The following FUBP1 variants were observed in gnomAD, a reference collection of about 807,000 sequenced individuals.
The protein encoded by FUBP1 is far upstream element-binding protein 1.
In FUBP1, 16 loss-of-function variants were observed where a neutral mutation model predicts 94.9. The ratio of observed to expected loss-of-function variants is 0.17; its 90% CI spans 0.11 to 0.26. The LOEUF is 0.26. FUBP1 is among the 10% of genes least tolerant of loss of function. FUBP1 has a pLI of 1.00. For missense variants in FUBP1, 583 were observed against 808.6 expected (o/e 0.72, Z 3.38); for synonymous variants, 279 against 254.9 (o/e 1.09, Z -0.90).
At chr1:77,962,459 G>A (rs143142546) in intron 14 of FUBP1, among the ~76,000 whole-genome samples, 13 of 152,164 alleles carry the variant, frequency 8.5e-5, no homozygotes, top group Non-Finnish European at 1.3e-4. Flanking sequence ...ATGAATTCCC[G>A]TTAACTATGT....
At chr1:77,971,962 G>A (rs1446828119) in intron 1 of FUBP1, among the ~76,000 whole-genome samples, 1 of 141,060 alleles carries the variant, frequency 7.1e-6, no homozygotes, top group Non-Finnish European at 1.5e-5. Flanking sequence ...CCAAGATCAC[G>A]CCACTGCACT....
At position 77,978,890 on chromosome 1, in the gene FUBP1, G is replaced by T. The variant is rs771211687; in HGVS notation, c.115C>A (p.Arg39=). 6.2e-7 allele frequency: 1 copy of T among 1,613,890 alleles called. No individual in the cohort carries two copies. The highest frequency in any genetic ancestry group is 8.5e-7 in the Non-Finnish European group (1 of 1,179,986). Residue 39 remains arginine, a synonymous_variant, in exon 1 of 20, where the codon CGG becomes AGG. Coordinates refer to ENST00000370768, the MANE Select transcript of FUBP1 (RefSeq NM_003902.5). ...GCCGCGCGGTCCACACTTACCTGCC[G>T]GGCTCTCTGCAGTGCATCTTTGAAA... is the stretch of plus-strand genomic sequence containing the variant. ...DAFKDALQRA[R]QIAAKIGGDA...
In FUBP1 at chr1:77,944,366, G is replaced by A. The variant is rs1383716168; in HGVS notation, c.*4400C>T. ...CAAATACATTTAAGAGTTTCTATAG[G>A]GGTATCACTGAAGAAAATAAAACCC... On this transcript the variant is annotated 3_prime_UTR_variant, in exon 20 of 20. Transcript: ENST00000370768. 25 of 199,626 alleles carry A rather than the reference G, an allele frequency of 1.3e-4. No homozygotes were observed. The highest frequency in any genetic ancestry group is 1.0e-5 in the Non-Finnish European group (1 of 96,606). The allele number at this position is 199,626 out of a possible 1,614,324, so 12.4% of individuals were successfully genotyped here.
In FUBP1 at chr1:77,964,137, T is replaced by C. The variant is rs768670517; in HGVS notation, c.966A>G (p.Ile322Met). The C allele has an allele frequency of 6.2e-7, 1 of 1,608,840 alleles. No individual in the cohort carries two copies. The highest frequency in any genetic ancestry group is 2.2e-5 in the East Asian group (1 of 44,842). ...KPDDGTTPER[I>M]AQITGPPDRC... ...GGTCTGGAGGTCCTGTTATTTGTGC[T>C]ATCCTTTCGGGTGTTGTCCCATCAT... The change falls in exon 12 of 20, where the codon ATA becomes ATG. Residue 322 changes from isoleucine to methionine, a missense_variant. By Grantham distance (10) the Ile-to-Met change is conservative. Transcript: ENST00000370768.
chr1:77,967,199 C>T (rs1370516381), intron 4 of FUBP1, 98 bp from the exon 5 acceptor site: 2 of 747,650 alleles, frequency 2.7e-6, no homozygotes, highest in African/African-American at 1.8e-5. Context: ...CTAATGTCTC[C>T]CAATGGCTTA....
chr1:77,969,881 A>G (rs776062155), intron 2 of FUBP1, 44 bp downstream of exon 2: 3 of 846,786 alleles, frequency 3.5e-6, no homozygotes, highest in Non-Finnish European at 5.7e-6. Flanking sequence ...CACTTCAACT[A>G]AACACTCTGA....
At chr1:77,977,540 A>G (rs995376334) in intron 1 of FUBP1, among the ~76,000 whole-genome samples, 3 of 152,200 alleles carry the variant, frequency 2.0e-5, no homozygotes, top group African/African-American at 7.2e-5. Flanking sequence ...AAAACAAAAC[A>G]AAACTCCAGT....
chr1:77,967,689 T>A (rs747068839), intron 3 of FUBP1, 23 bp from the exon 4 acceptor site: 1 of 1,438,182 alleles, frequency 7.0e-7, no homozygotes, highest in Non-Finnish European at 9.6e-7. Flanking sequence ...TAAATAAAAA[T>A]AAAACAAAAA....
At chr1:77,956,346 A>C (rs1654456039) in intron 17 of FUBP1, among the ~76,000 whole-genome samples, 3 of 152,256 alleles carry the variant, frequency 2.0e-5, no homozygotes, top group African/African-American at 7.2e-5. Context: ...AGAGTAAACA[A>C]GGGAATAAAA....
chr1:77,959,526 A>ATG (rs753041961), intron 16 of FUBP1, among the ~76,000 whole-genome samples: 51 of 152,264 alleles, frequency 3.3e-4, no homozygotes, highest in Non-Finnish European at 6.6e-4. Context: ...ATATATATAT[A>ATG]TTTATATAGA....
intron 18 of FUBP1, among the ~76,000 whole-genome samples, chr1:77,953,084 C>T (rs770119499): frequency 1.7e-4 from 26 of 150,880 alleles, no homozygotes; most frequent in Non-Finnish European, 1.2e-4. Flanking sequence ...TGCACTGAGA[C>T]GAAATCGCAC....
chr1:77,970,263 T>C (rs961708854), intron 1 of FUBP1, among the ~76,000 whole-genome samples: 7 of 152,268 alleles, frequency 4.6e-5, no homozygotes, highest in African/African-American at 1.7e-4. Context: ...AGTAATCAAC[T>C]AGGAATCCGG....
chr1:77,969,752 T>G (rs1657168165), intron 2 of FUBP1, among the ~76,000 whole-genome samples, 173 bp downstream of exon 2: 1 of 152,076 alleles, frequency 6.6e-6, no homozygotes, highest in Non-Finnish European at 1.5e-5. Flanking sequence ...TTCTTTCAAA[T>G]TTTACTTACC....
intron 12 of FUBP1, 26 bp from the exon 13 acceptor site, chr1:77,963,741 AAG>A (rs756937317): frequency 1.3e-6 from 2 of 1,573,802 alleles, no homozygotes; most frequent in East Asian, 2.2e-5. Context: ...GACAAGAACG[AAG>A]AGTCAGCACA....
intron 1 of FUBP1, among the ~76,000 whole-genome samples, chr1:77,971,380 G>A (rs532891162): frequency 1.1e-4 from 16 of 152,292 alleles, no homozygotes; most frequent in African/African-American, 3.8e-4. Flanking sequence ...TCCCCATATG[G>A]ATAACTGCTT....
At chr1:77,959,456 T>C (rs1015613088) in intron 16 of FUBP1, among the ~76,000 whole-genome samples, 7 of 152,174 alleles carry the variant, frequency 4.6e-5, no homozygotes, top group African/African-American at 1.4e-4. Context: ...CTAGAACAGA[T>C]ATCTTATTTG....
In FUBP1 at chr1:77,955,307, T is replaced by A; in HGVS notation, c.1728A>T (p.Pro576=). Residue 576 remains proline, a synonymous_variant, in exon 18 of 20, where the codon CCA becomes CCT. Transcript: ENST00000370768. Reference sequence around the variant, plus strand: ...CCTTGGTATAATCAACCTGTCCAGCTGGGGCTGGATTCTGCTGATCTCCTT... The same window carrying A: ...CCTTGGTATAATCAACCTGTCCAGCAGGGGCTGGATTCTGCTGATCTCCTT... ...NGQGDQQNPA[P]AGQVDYTKAW... is the part of the protein sequence containing the mutation. The A allele has an allele frequency of 2.5e-6, 4 of 1,573,768 alleles. No individual in the cohort carries two copies. Among genetic ancestry groups the A allele is most frequent in the Non-Finnish European group, 3.5e-6 (4 of 1,143,324 alleles).
At chr1:77,948,877 T>C in intron 19 of FUBP1, 103 bp from the exon 20 acceptor site, 1 of 1,507,050 alleles carries the variant, frequency 6.6e-7, no homozygotes, top group Middle Eastern at 1.7e-4. Context: ...AAGTGGTTAA[T>C]ATAAATGGTG....
chr1:77,965,066 T>C lies in FUBP1; in HGVS notation c.636+3A>G, dbSNP rs747695493. The C allele has an allele frequency of 1.2e-6, 2 of 1,609,244 alleles. No individual in the cohort carries two copies. The highest frequency in any genetic ancestry group is 1.7e-5 in the Admixed American group (1 of 59,874). On this transcript the variant is annotated splice_donor_region_variant and intron_variant, in intron 8 of 19. Transcript: ENST00000370768. ...AGTAGCCATTTCACAAAAATAACAA[T>C]ACCTGAAGCTGTTTAATAGTTTCTC...
Sources: gnomAD v4.1 joint callset for allele counts (sites outside exome capture counted in the v4.1 genomes callset) on GRCh38, gnomAD v4.1.1 for gene constraint, MANE v1.5 for transcripts, NCBI Gene and HGNC (gene_info 2026-07-23, HGNC 2026-07-21) for gene names.